ZNF362: variants seen among roughly 807,000 people sequenced by gnomAD.
ZNF362 encodes zinc finger protein 362.
ZNF362 carries 11 observed loss-of-function variants against 42.9 expected under a neutral mutation model. That is an observed-to-expected ratio of 0.26 (90% CI 0.16 to 0.42). The LOEUF (loss-of-function observed/expected upper bound fraction) is 0.42. ZNF362 is among the 20% of genes least tolerant of loss of function. The pLI is 1.00. For missense variants in ZNF362, 362 were observed against 576.2 expected (o/e 0.63, Z 3.81); for synonymous variants, 255 against 257.3 (o/e 0.99, Z 0.09).
chr1:33,182,600 T>TTGTGTGTGTGTGTGTG, the ZNF362 span, among the ~76,000 whole-genome samples: 116 of 147,088 alleles, frequency 7.9e-4, no homozygotes, highest in African/African-American at 2.7e-3. Flanking sequence ...AGTGCTGTAT[T>TTGTGTGTGTGTGTGTG]TGTGTGTGTG....
chr1:33,166,006 C>T, the ZNF362 span: 2,573 of 153,272 alleles, frequency 0.017, 48 homozygotes, highest in African/African-American at 0.033. Flanking sequence ...TATTTGCAGC[C>T]GCTCCTCATC....
the ZNF362 span, among the ~76,000 whole-genome samples, chr1:33,199,161 C>A: frequency 1.3e-5 from 2 of 152,182 alleles, no homozygotes; most frequent in Non-Finnish European, 2.9e-5. Flanking sequence ...TATAAACTCA[C>A]ATAACCATGA....
Position 33,266,150 on chromosome 1 carries a change from C to T in ZNF362, c.-88-4337C>T, listed in dbSNP as rs1645863433. 1.3e-5 allele frequency among the ~76,000 whole-genome samples: 2 copies of T among 152,252 alleles called. No individual in the cohort carries two copies. The highest frequency in any genetic ancestry group is 2.9e-5 in the Non-Finnish European group (2 of 68,048). On this transcript the variant is annotated intron_variant, in intron 1 of 8. Transcript: ENST00000539719. This position sits in a 1 kb window ranked among gnomAD's most constrained non-coding sequence, Gnocchi z 4.3. The stretch of plus-strand genomic sequence containing the variant: ...CTGCAGCAGTAGCTGTTGCCCCTCT[C>T]TGGGGGCAGGGATTATGTTTGAGAA...
At chr1:33,241,007 T>C in the ZNF362 span, among the ~76,000 whole-genome samples, 11 of 152,108 alleles carry the variant, frequency 7.2e-5, no homozygotes, top group African/African-American at 2.4e-4. Context: ...GCTTGAAAAG[T>C]GAACCCCAAC....
the ZNF362 span, among the ~76,000 whole-genome samples, chr1:33,242,312 C>T: frequency 6.6e-6 from 1 of 152,056 alleles, no homozygotes; most frequent in African/African-American, 2.4e-5. Context: ...GGTAAAGGGA[C>T]AGTACAGTGA....
At chr1:33,133,709 G>A in the ZNF362 span, among the ~76,000 whole-genome samples, 1 of 152,318 alleles carries the variant, frequency 6.6e-6, no homozygotes, top group East Asian at 1.9e-4. Flanking sequence ...GCTCCCCCAG[G>A]GCAGGCTGTG....
chr1:33,139,320 C>T, the ZNF362 span, among the ~76,000 whole-genome samples: 6 of 152,168 alleles, frequency 3.9e-5, no homozygotes, highest in Non-Finnish European at 5.9e-5. Flanking sequence ...TACAGCTTGA[C>T]ATTAGCTACT....
At chr1:33,233,223 G>A in the ZNF362 span, among the ~76,000 whole-genome samples, 1 of 152,122 alleles carries the variant, frequency 6.6e-6, no homozygotes, top group African/African-American at 2.4e-5. Context: ...TCCCCTGATT[G>A]CTCCTTCTGC....
At chr1:33,237,003 G>A in the ZNF362 span, among the ~76,000 whole-genome samples, 94,890 of 151,626 alleles carry the variant, frequency 0.63, 30,648 homozygotes, top group Non-Finnish European at 0.7. Flanking sequence ...CCTGGGAGGC[G>A]GAGGTTGTAG....
At chr1:33,250,845 GAAAGAAGGAAGAA>G in the ZNF362 span, among the ~76,000 whole-genome samples, 1 of 104,836 alleles carries the variant, frequency 9.5e-6, no homozygotes, top group Non-Finnish European at 2.0e-5. Flanking sequence ...GAAGAAAGAA[GAAAGAAGGAAGAA>G]GAAGAAGAAG....
rs1352733345 is a variant in ZNF362, at chr1:33,280,280, G to A, written c.506G>A (p.Ser169Asn). The change falls in exon 5 of 9, where the codon AGC becomes AAC. Residue 169 changes from serine to asparagine, a missense_variant. Ser to Asn is a conservative substitution (Grantham distance 46). Coordinates refer to ENST00000539719, the MANE Select transcript of ZNF362 (RefSeq NM_152493.3). The surrounding 1 kb of genome is among the most constrained non-coding windows in gnomAD (Gnocchi z 5.6). ...CCCACCCTCATCTCAGGGATCACCAGCCCCCCTCTCCTGGACTCCATCAAG... is the reference window on the plus strand; with the variant it reads ...CCCACCCTCATCTCAGGGATCACCAACCCCCCTCTCCTGGACTCCATCAAG... ...SSPTLISGITSPPLLDSIKTI... is the reference protein window; with the variant it reads ...SSPTLISGITNPPLLDSIKTI... 4 of 1,613,792 alleles carry A rather than the reference G, an allele frequency of 2.5e-6. No individual in the cohort carries two copies. Among genetic ancestry groups the A allele is most frequent in the Non-Finnish European group, 3.4e-6 (4 of 1,179,888 alleles).
upstream of ZNF362, among the ~76,000 whole-genome samples, chr1:33,252,292 C>T (rs200944410): frequency 6.6e-6 from 1 of 152,136 alleles, no homozygotes; most frequent in Non-Finnish European, 1.5e-5. Context: ...GCAGAGGTTG[C>T]GGTGAGCCGA....
At position 33,276,461 on chromosome 1, in the gene ZNF362, G is replaced by T; in HGVS notation, c.216G>T (p.Pro72=). The T allele has an allele frequency of 6.4e-7, 1 of 1,551,058 alleles. No individual in the cohort carries two copies. Among genetic ancestry groups the T allele is most frequent in the Non-Finnish European group, 8.7e-7 (1 of 1,152,668 alleles). ...SASSQQPLLV[P]PAPAESSQAV... ...CGTCGCAGCAGCCGTTGCTAGTGCC[G>T]CCGGCACCCGCCGAGAGCAGCCAGG... Residue 72 remains proline, a synonymous_variant, in exon 4 of 9, where the codon CCG becomes CCT. Transcript: ENST00000539719.
the ZNF362 span, among the ~76,000 whole-genome samples, chr1:33,197,236 G>T: frequency 6.6e-6 from 1 of 152,232 alleles, no homozygotes; most frequent in East Asian, 1.9e-4. Context: ...CCCTTGTTTT[G>T]AGGCTGTCAG....
At chr1:33,145,701 T>G in the ZNF362 span, 2 of 358,786 alleles carry the variant, frequency 5.6e-6, no homozygotes, top group East Asian at 1.6e-4. Flanking sequence ...AGGCTCAGTC[T>G]TGCAGCCCAC....
chr1:33,181,125 CA>C, the ZNF362 span: 3 of 1,600,624 alleles, frequency 1.9e-6, no homozygotes, highest in Admixed American at 3.3e-5. The surrounding 1 kb of genome is among the most constrained non-coding windows in gnomAD (Gnocchi z 6.5). Flanking sequence ...GTCCGTGAGG[CA>C]GAAGAGCTTG....
At chr1:33,234,231 A>C in the ZNF362 span, among the ~76,000 whole-genome samples, 4 of 152,328 alleles carry the variant, frequency 2.6e-5, no homozygotes, top group African/African-American at 9.6e-5. Flanking sequence ...ACCCTACACA[A>C]GTTACTTCAC....
At chr1:33,135,039 C>T in the ZNF362 span, among the ~76,000 whole-genome samples, 4 of 152,202 alleles carry the variant, frequency 2.6e-5, no homozygotes, top group African/African-American at 9.6e-5. Flanking sequence ...ATAATCCCAG[C>T]ACTTTGGGAG....
At chr1:33,149,626 TA>T in the ZNF362 span, among the ~76,000 whole-genome samples, 1 of 151,750 alleles carries the variant, frequency 6.6e-6, no homozygotes, top group African/African-American at 2.4e-5. Context: ...AGCTAATTTT[TA>T]AATTTTTCAT....
Sources: allele counts gnomAD v4.1 joint callset (sites outside exome capture counted in the v4.1 genomes callset), GRCh38; gene constraint gnomAD v4.1.1; non-coding constraint Gnocchi (gnomAD v3.1); transcripts MANE v1.5; gene names NCBI Gene and HGNC (gene_info 2026-07-23, HGNC 2026-07-21).